The following MAP1A variants were observed in gnomAD, a reference collection of about 807,000 sequenced individuals.
MAP1A encodes microtubule-associated protein 1A.
In MAP1A, 42 loss-of-function variants were observed where a neutral mutation model predicts 185.9. That is an observed-to-expected ratio of 0.23 (90% CI 0.18 to 0.29). MAP1A has a LOEUF of 0.29. Ranked by LOEUF, MAP1A falls within the 10% of genes least tolerant of loss-of-function variation. The pLI is 1.00. For synonymous variants in MAP1A, 1,229 were observed against 1,335.9 expected (o/e 0.92, Z 1.74); for missense variants, 2,995 against 3,450.4 (o/e 0.87, Z 3.31).
chr15:43,525,486 T>C lies in MAP1A; in HGVS notation c.4013T>C (p.Ile1338Thr). The C allele has an allele frequency of 6.2e-7, 1 of 1,614,170 alleles. No homozygotes were observed. ...TTGCCAGGCCCTGCCTTGGAGGACA[T>C]TGCCATAAAGTGGGAAGATAAAGTT... ...ESLPGPALEDIAIKWEDKVPG... is the reference protein window; with the variant it reads ...ESLPGPALEDTAIKWEDKVPG... The change falls in exon 4 of 6, where the codon ATT (isoleucine) becomes ACT (threonine). Residue 1338 changes from isoleucine (I) to threonine (T), a missense_variant. Around this residue, in one of 3 missense-constraint regions of MAP1A, gnomAD observed 2,728 missense variants for 2,986.0 expected, o/e 0.91. Transcript: ENST00000300231.
Position 43,530,537 on chromosome 15 carries a change from T to C in MAP1A, c.*313T>C, listed in dbSNP as rs923759582. ...GTATTGAATGGGGACTGAGGATGGGTCTCAGAGAGCAACCTCCTCCCTCGT... is the reference window on the plus strand; with the variant it reads ...GTATTGAATGGGGACTGAGGATGGGCCTCAGAGAGCAACCTCCTCCCTCGT... On this transcript the variant is annotated 3_prime_UTR_variant, in exon 6 of 6. Transcript: ENST00000300231. The C allele has an allele frequency of 2.0e-5, 6 of 294,542 alleles. No homozygotes were observed. Among genetic ancestry groups the C allele is most frequent in the Non-Finnish European group, 3.8e-5 (6 of 157,478 alleles). 18.2% of individuals were successfully genotyped at this position (294,542 alleles called of 1,614,324 possible).
Position 43,528,311 on chromosome 15 carries a change from G to C in MAP1A, c.6838G>C (p.Glu2280Gln). ...GGCGGAGCGCTTCTCTCCAAGCCTT[G>C]AGGCTGCAGAACAGGAGTCTGGAGA... is the stretch of plus-strand genomic sequence containing the variant. ...SVAERFSPSL[E>Q]AAEQESGELD... The change falls in exon 4 of 6, where the codon GAG (glutamate) becomes CAG (glutamine). Residue 2280 changes from glutamate (E) to glutamine (Q), a missense_variant. By Grantham distance (29) the Glu-to-Gln change is conservative. This residue lies in a region of MAP1A where 2,728 missense variants were observed against 2,986.0 expected (regional missense o/e 0.91). Transcript: ENST00000300231. The C allele has an allele frequency of 1.2e-6, 2 of 1,614,098 alleles. No individual in the cohort carries two copies. The highest frequency in any genetic ancestry group is 1.7e-6 in the Non-Finnish European group (2 of 1,180,034).
Position 43,521,724 on chromosome 15 carries a change from C to A in MAP1A, c.251C>A (p.Ser84Ter). The stretch of plus-strand genomic sequence containing the variant: ...GTACGGCACTTGGACCGCATTGACT[C>A]GGTGCTACTCACACACATTGGGGCA... ...KLVRHLDRID[S>*]VLLTHIGADN... Residue 84 changes from serine to a stop codon, truncating the protein, a stop_gained, in exon 4 of 6, where the codon TCG becomes TAG. Coordinates refer to ENST00000300231, the MANE Select transcript of MAP1A (RefSeq NM_002373.6). LOFTEE classifies it high-confidence loss of function. The surrounding 1 kb of genome is among the most constrained non-coding windows in gnomAD (Gnocchi z 4.6). The A allele has an allele frequency of 6.2e-7, 1 of 1,614,200 alleles. No individual in the cohort carries two copies. Among genetic ancestry groups the A allele is most frequent in the Non-Finnish European group, 8.5e-7 (1 of 1,180,040 alleles).
upstream of MAP1A, among the ~76,000 whole-genome samples, chr15:43,516,259 G>A (rs151149590): frequency 8.2e-3 from 1,248 of 152,186 alleles, 19 homozygotes; most frequent in African/African-American, 0.028. Context: ...TTGCATCCCC[G>A]GATCTAAGCA....
At position 43,525,535 on chromosome 15, in the gene MAP1A, A is replaced by G; in HGVS notation, c.4062A>G (p.Ser1354=). ...DKVPGLKDRT[S]EQKKEPEPKD... ...TTCCAGGGTTGAAAGACAGAACCTC[A>G]GAACAGAAGAAGGAACCTGAGCCAA... is the stretch of plus-strand genomic sequence containing the variant. Residue 1354 remains serine, a synonymous_variant, in exon 4 of 6, where the codon TCA becomes TCG. Transcript: ENST00000300231. 6.2e-7 allele frequency: 1 copy of G among 1,614,264 alleles called. No individual in the cohort carries two copies. The highest frequency in any genetic ancestry group is 8.5e-7 in the Non-Finnish European group (1 of 1,180,046).
intron 1 of MAP1A, among the ~76,000 whole-genome samples, chr15:43,518,514 C>T (rs2079306733): frequency 6.6e-6 from 1 of 152,074 alleles, no homozygotes; most frequent in Admixed American, 6.5e-5. Context: ...CCCATCCCCA[C>T]CCCCCATGCA....
rs569817455 is a variant in MAP1A at position 43,523,798 on chromosome 15, G to A, written c.2325G>A (p.Leu775=). 6.2e-7 allele frequency: 1 copy of A among 1,614,036 alleles called. No homozygotes were observed. Among genetic ancestry groups the A allele is most frequent in the African/African-American group, 1.3e-5 (1 of 75,018 alleles). ...PPRFHTSTYD[L]PGPEGAGPFE... ...GATTTCATACAAGTACATATGACCT[G>A]CCCGGGCCTGAAGGTGCTGGCCCAT... The change falls in exon 4 of 6, where the codon CTG becomes CTA. Residue 775 remains leucine (L), a synonymous_variant. Transcript: ENST00000300231.
chr15:43,518,443 C>T (rs1000489139), intron 1 of MAP1A, among the ~76,000 whole-genome samples: 1 of 152,184 alleles, frequency 6.6e-6, no homozygotes, highest in East Asian at 1.9e-4. Context: ...ATCTCTGCTT[C>T]TCTTCCCAAG....
At position 43,512,582 on chromosome 15, in the gene MAP1A, A is replaced by G. The variant is rs558748520; in HGVS notation, c.340+291A>G. On this transcript the variant is annotated intron_variant, in intron 2 of 6. Transcript: ENST00000382031. ...AATGAGGGACTCCTCTTAGTGATCA[A>G]TCATCTCTCACGCAAAAATTCACTC... Among the ~76,000 whole-genome samples, 5 of 152,294 alleles carry G rather than the reference A, an allele frequency of 3.3e-5. No individual in the cohort carries two copies. In the South Asian group the frequency reaches 1.0e-3, roughly 32 times the overall value.
At chr15:43,510,981 G>C (rs530414077) in exon 1 of MAP1A, 9 of 1,529,482 alleles carry the variant, frequency 5.9e-6, no homozygotes, top group East Asian at 2.5e-5. Flanking sequence ...CACTCCGCGG[G>C]TGTTTCCATG....
rs756087089 is a variant in MAP1A, at chr15:43,524,918, G to C, written c.3445G>C (p.Asp1149His). The C allele has an allele frequency of 6.2e-7, 1 of 1,614,168 alleles. No homozygotes were observed. Among genetic ancestry groups the C allele is most frequent in the Non-Finnish European group, 8.5e-7 (1 of 1,180,038 alleles). ...TCCTGACCGAAGCCTCTCTCCTGAA[G>C]ATGCAGAATCCCTCTCTGTCCTCAG... ...RYPDRSLSPEDAESLSVLSVP... is the reference protein window; with the variant it reads ...RYPDRSLSPEHAESLSVLSVP... Residue 1149 changes from aspartate to histidine, a missense_variant, in exon 4 of 6, where the codon GAT (aspartate) becomes CAT (histidine). Asp to His is a moderately conservative substitution (Grantham distance 81). Transcript: ENST00000300231.
exon 1 of MAP1A, chr15:43,511,002 C>A (rs374604173): frequency 1.9e-6 from 3 of 1,544,554 alleles, no homozygotes; most frequent in East Asian, 4.9e-5. Flanking sequence ...GAGACCGAGG[C>A]CGAGCCTGCG....
In MAP1A at chr15:43,523,523, C is replaced by T. The variant is rs774094770; in HGVS notation, c.2050C>T (p.His684Tyr). ...ATKAEGFYQK[H>Y]MQEPLKVTPR... ...AAAAGCTGAGGGTTTTTACCAAAAA[C>T]ATATGCAGGAACCCTTGAAGGTAAC... Residue 684 changes from histidine to tyrosine, a missense_variant, in exon 4 of 6, where the codon CAT (histidine) becomes TAT (tyrosine). Physicochemically the swap from His to Tyr is moderately conservative, Grantham distance 83. Transcript: ENST00000300231. 81 of 1,614,030 alleles carry T rather than the reference C, an allele frequency of 5.0e-5. No individual in the cohort carries two copies. Among genetic ancestry groups the T allele is most frequent in the Non-Finnish European group, 6.4e-5 (75 of 1,180,016 alleles).
rs376048980 is a variant in MAP1A, at chr15:43,528,270, C to T, written c.6797C>T (p.Pro2266Leu). 117 of 1,613,996 alleles carry T rather than the reference C, an allele frequency of 7.2e-5. No individual in the cohort carries two copies. Among genetic ancestry groups the T allele is most frequent in the Non-Finnish European group, 9.7e-5 (115 of 1,180,046 alleles). The change falls in exon 4 of 6, where the codon CCT becomes CTT. Residue 2266 changes from proline to leucine, a missense_variant. Pro to Leu is a moderately conservative substitution (Grantham distance 98, BLOSUM62 -3). Around this residue, in one of 3 missense-constraint regions of MAP1A, gnomAD observed 2,728 missense variants for 2,986.0 expected, o/e 0.91. Transcript: ENST00000300231. ...GGCTCCTCCTCTGAGGCTACCACGC[C>T]TGTGATTTCAAGTGTGGCGGAGCGC... Reference protein sequence around the residue: ...SEGSSSEATTPVISSVAERFS... With the variant: ...SEGSSSEATTLVISSVAERFS...
In MAP1A at chr15:43,526,942, T is replaced by C. The variant is rs2079346715; in HGVS notation, c.5469T>C (p.Pro1823=). ...GACAAGAGAGTCCTATCCCAGACCC[T>C]AAGCTCATGCCACACATGAAGAATG... ...APGQESPIPD[P]KLMPHMKNEP... The change falls in exon 4 of 6, where the codon CCT becomes CCC. Residue 1823 remains proline (P), a synonymous_variant. Transcript: ENST00000300231. The surrounding 1 kb of genome is among the most constrained non-coding windows in gnomAD (Gnocchi z 4.7). 1 of 1,613,872 alleles carries C rather than the reference T, an allele frequency of 6.2e-7. No individual in the cohort carries two copies. Among genetic ancestry groups the C allele is most frequent in the Non-Finnish European group, 8.5e-7 (1 of 1,179,884 alleles).
At position 43,523,403 on chromosome 15, in the gene MAP1A, A is replaced by C. The variant is rs761680656; in HGVS notation, c.1930A>C (p.Ser644Arg). ...AGACAGAACAGAAGCCAGAGAGGAA[A>C]GTGAACCTGAAGTAAAGGAGGATGT... ...LPDRTEAREE[S>R]EPEVKEDVIE... The change falls in exon 4 of 6, where the codon AGT becomes CGT. Residue 644 changes from serine (S) to arginine (R), a missense_variant. Coordinates refer to ENST00000300231, the MANE Select transcript of MAP1A (RefSeq NM_002373.6). 6.2e-7 allele frequency: 1 copy of C among 1,613,048 alleles called. No homozygotes were observed.
Position 43,530,491 on chromosome 15 carries a change from TC to T in MAP1A, c.*269del. On this transcript the variant is annotated 3_prime_UTR_variant, in exon 6 of 6. Coordinates refer to ENST00000300231, the MANE Select transcript of MAP1A (RefSeq NM_002373.6). Reference sequence around the variant, plus strand: ...TAGCATCTGATGCCTGAGAACCCTCTCCTAGCACTGTCAAATGCTGGTATTG... The same window carrying T: ...TAGCATCTGATGCCTGAGAACCCTCTCTAGCACTGTCAAATGCTGGTATTG... 4.5e-6 allele frequency: 2 copies of T among 446,680 alleles called. No homozygotes were observed. The highest frequency in any genetic ancestry group is 7.7e-5 in the Admixed American group (2 of 26,084). The allele number at this position is 446,680 out of a possible 1,614,324, so 27.7% of individuals were successfully genotyped here. A position where few individuals can be genotyped will look rare whatever the true frequency, so the allele number is the denominator to read the frequency against.
In MAP1A at chr15:43,527,411, G is replaced by A. The variant is rs2079349738; in HGVS notation, c.5938G>A (p.Gly1980Ser). ...TGAGCAGATGATGCTTACTGGGCTTGGCCCTGCATGCCCCACTAGAGAGCC... is the reference window on the plus strand; with the variant it reads ...TGAGCAGATGATGCTTACTGGGCTTAGCCCTGCATGCCCCACTAGAGAGCC... ...IYEQMMLTGL[G>S]PACPTREPPL... The change falls in exon 4 of 6, where the codon GGC (glycine) becomes AGC (serine). Residue 1980 changes from glycine (G) to serine (S), a missense_variant. Gly to Ser is a moderately conservative substitution (Grantham distance 56). Coordinates refer to ENST00000300231, the MANE Select transcript of MAP1A (RefSeq NM_002373.6). 3 of 1,614,068 alleles carry A rather than the reference G, an allele frequency of 1.9e-6. No homozygotes were observed. The highest frequency in any genetic ancestry group is 1.7e-5 in the Admixed American group (1 of 60,014).
At chr15:43,530,010 C>T in intron 5 of MAP1A, 59 bp from the exon 6 acceptor site, 1 of 1,577,842 alleles carries the variant, frequency 6.3e-7, no homozygotes, top group South Asian at 1.1e-5. Context: ...GGTGCCCCTT[C>T]CCCCTCACCT....
Sources: allele counts gnomAD v4.1 joint callset (sites outside exome capture counted in the v4.1 genomes callset), GRCh38; gene constraint gnomAD v4.1.1; regional missense constraint gnomAD v4.1.1; non-coding constraint Gnocchi (gnomAD v3.1); transcripts MANE v1.5; gene names NCBI Gene and HGNC (gene_info 2026-07-23, HGNC 2026-07-21).